Variants in TRIM42 observed in about 807,000 individuals in gnomAD.
TRIM42 encodes tripartite motif-containing protein 42.
TRIM42 carries 59 observed loss-of-function variants against 64.9 expected under a neutral mutation model. The observed-to-expected ratio is 0.91, with a 90% CI of 0.74 to 1.13. The LOEUF is 1.13. Among genes scored for constraint, TRIM42 ranks in the 50% most tolerant of loss-of-function variants. TRIM42 has a pLI of 0.00. For synonymous variants in TRIM42, 354 were observed against 346.3 expected (o/e 1.02, Z -0.25); for missense variants, 878 against 929.5 (o/e 0.94, Z 0.72).
chr3:140,681,580 C>T (rs985495353), intron 1 of TRIM42, among the ~76,000 whole-genome samples: 1 of 151,978 alleles, frequency 6.6e-6, no homozygotes, highest in Admixed American at 6.5e-5. Flanking sequence ...AGGTTCTAGG[C>T]TTGGCTCAGG....
intron 1 of TRIM42, among the ~76,000 whole-genome samples, chr3:140,681,114 T>G (rs914540197): frequency 1.3e-5 from 2 of 152,248 alleles, no homozygotes; most frequent in Admixed American, 1.3e-4. Flanking sequence ...ATTTTACAAG[T>G]ATGCTTTTAC....
At chr3:140,681,991 T>C (rs698670) in intron 1 of TRIM42, among the ~76,000 whole-genome samples, 45,962 of 151,698 alleles carry the variant, frequency 0.3, 7,202 homozygotes, top group East Asian at 0.47. Context: ...TATTAAGTGG[T>C]CTTGTTTCTG....
intron 2 of TRIM42, among the ~76,000 whole-genome samples, chr3:140,684,453 A>T (rs1322111063): frequency 6.6e-6 from 1 of 152,122 alleles, no homozygotes; most frequent in Non-Finnish European, 1.5e-5. Flanking sequence ...TCTTTGTCAG[A>T]TCTGTTAGTC....
At chr3:140,694,122 G>T (rs930482968) in intron 4 of TRIM42, among the ~76,000 whole-genome samples, 1 of 152,214 alleles carries the variant, frequency 6.6e-6, no homozygotes, top group Non-Finnish European at 1.5e-5. Flanking sequence ...TCTGGAACAG[G>T]GTAGGCTCAG....
At position 140,691,095 on chromosome 3, in the gene TRIM42, A is replaced by G; in HGVS notation, c.1988A>G (p.Asn663Ser). 2 of 1,614,142 alleles carry G rather than the reference A, an allele frequency of 1.2e-6. No individual in the cohort carries two copies. Among genetic ancestry groups the G allele is most frequent in the Non-Finnish European group, 1.7e-6 (2 of 1,180,018 alleles). ...CAAATTCGGGACATAATGCAGCAAA[A>G]TCTGGAGCTGCACAACCTGACCCCC... ...CGQIRDIMQQ[N>S]LELHNLTPNT... The change falls in exon 4 of 5, where the codon AAT (asparagine) becomes AGT (serine). Residue 663 changes from asparagine (N) to serine (S), a missense_variant. Transcript: ENST00000286349.
chr3:140,684,696 G>C (rs1988504438), intron 2 of TRIM42, among the ~76,000 whole-genome samples: 1 of 152,178 alleles, frequency 6.6e-6, no homozygotes, highest in African/African-American at 2.4e-5. Context: ...CACCAGGGAA[G>C]ACTTCATATT....
At chr3:140,697,873 C>T (rs2107768573) in intron 4 of TRIM42, among the ~76,000 whole-genome samples, 1 of 152,234 alleles carries the variant, frequency 6.6e-6, no homozygotes, top group East Asian at 1.9e-4. Flanking sequence ...TTAGTAGACA[C>T]GGGATTTCAC....
rs752308826 is a variant in TRIM42, at chr3:140,682,804, C to T, written c.684C>T (p.Arg228=). ...AGGAGCACGGCTACCTCAAGTGGCGCTTTGACCGCTCCTCCGGGCCCATCC... is the reference window on the plus strand; with the variant it reads ...AGGAGCACGGCTACCTCAAGTGGCGTTTTGACCGCTCCTCCGGGCCCATCC... ...YMQEHGYLKW[R]FDRSSGPILC... The change falls in exon 2 of 5, where the codon CGC becomes CGT. Residue 228 remains arginine (R), a synonymous_variant. Transcript: ENST00000286349. 3.7e-6 allele frequency: 6 copies of T among 1,614,012 alleles called. No homozygotes were observed. In the South Asian group the frequency reaches 6.6e-5, roughly 18 times the overall value.
intron 2 of TRIM42, among the ~76,000 whole-genome samples, chr3:140,683,582 G>A (rs193048523): frequency 6.4e-4 from 97 of 152,252 alleles, no homozygotes; most frequent in East Asian, 2.7e-3. Flanking sequence ...GTTCTGTGAC[G>A]TTCTAAGATG....
chr3:140,693,916 C>G (rs1414084332), intron 4 of TRIM42, among the ~76,000 whole-genome samples: 1 of 152,046 alleles, frequency 6.6e-6, no homozygotes, highest in Non-Finnish European at 1.5e-5. Flanking sequence ...ACTAATCATC[C>G]CAACCACTGG....
rs754201108 is a variant in TRIM42 at position 140,682,702 on chromosome 3, G to A, written c.582G>A (p.Ser194=). 16 of 1,612,408 alleles carry A rather than the reference G, an allele frequency of 9.9e-6. No individual in the cohort carries two copies. Among genetic ancestry groups the A allele is most frequent in the Non-Finnish European group, 1.4e-5 (16 of 1,180,022 alleles). The change falls in exon 2 of 5, where the codon TCG becomes TCA. Residue 194 remains serine, a synonymous_variant. Transcript: ENST00000286349. ...FILICPVCDR[S]HCMPYSNKMQ... ...TCATCTGCCCAGTGTGCGACCGCTCGCACTGCATGCCCTACAGCAACAAGA... is the reference window on the plus strand; with the variant it reads ...TCATCTGCCCAGTGTGCGACCGCTCACACTGCATGCCCTACAGCAACAAGA...
intron 1 of TRIM42, 64 bp downstream of exon 1, chr3:140,678,634 C>T (rs1576413739): frequency 3.6e-6 from 5 of 1,399,542 alleles, no homozygotes; most frequent in Non-Finnish European, 4.9e-6. Context: ...CACTTGCCAG[C>T]TGTGAAGTCT....
rs565913316 is a variant in TRIM42 at position 140,678,122 on chromosome 3, G to A, written c.-108G>A. The A allele has an allele frequency of 4.3e-5, 44 of 1,023,648 alleles. No homozygotes were observed. The East Asian group carries it at 8.1e-4, about 19-fold the overall frequency. The allele number at this position is 1,023,648 out of a possible 1,614,324, so 63.4% of individuals were successfully genotyped here. On this transcript the variant is annotated 5_prime_UTR_variant, in exon 1 of 5. Transcript: ENST00000286349. Reference sequence around the variant, plus strand: ...AACTTCTTGCAACTTTCAAGCTGACGGCCTCAGGAATGGGAGGAAGGACTC... The same window carrying A: ...AACTTCTTGCAACTTTCAAGCTGACAGCCTCAGGAATGGGAGGAAGGACTC...
intron 4 of TRIM42, among the ~76,000 whole-genome samples, chr3:140,692,560 CACAG>C (rs540185017): frequency 3.4e-4 from 44 of 127,914 alleles, no homozygotes; most frequent in South Asian, 3.0e-3. Context: ...CACACACACA[CACAG>C]AGAGAGATAG....
intron 2 of TRIM42, among the ~76,000 whole-genome samples, 153 bp downstream of exon 2, chr3:140,683,312 C>T (rs576821548): frequency 1.3e-5 from 2 of 152,322 alleles, no homozygotes; most frequent in Non-Finnish European, 2.9e-5. Context: ...CTGCAAGTCA[C>T]TATCCTGGTG....
At chr3:140,694,384 T>G (rs968867922) in intron 4 of TRIM42, among the ~76,000 whole-genome samples, 3 of 152,184 alleles carry the variant, frequency 2.0e-5, no homozygotes, top group Non-Finnish European at 2.9e-5. Context: ...TTAATATTTT[T>G]GAAGGGTAGA....
intron 3 of TRIM42, among the ~76,000 whole-genome samples, chr3:140,690,551 A>G (rs199949761): frequency 6.9e-4 from 17 of 24,598 alleles, no homozygotes; most frequent in Admixed American, 1.3e-3. Flanking sequence ...ATATATATAT[A>G]TATATATATA....
chr3:140,690,270 A>G (rs982838668), intron 3 of TRIM42, among the ~76,000 whole-genome samples: 5 of 151,968 alleles, frequency 3.3e-5, no homozygotes, highest in Admixed American at 6.6e-5. Flanking sequence ...GATTTTTTAA[A>G]CTCAGTTTTA....
At chr3:140,694,107 C>G (rs1416454821) in intron 4 of TRIM42, among the ~76,000 whole-genome samples, 1 of 152,214 alleles carries the variant, frequency 6.6e-6, no homozygotes, top group Non-Finnish European at 1.5e-5. Flanking sequence ...TCAAATGGAA[C>G]TAAGTCTGGA....
Sources: allele counts gnomAD v4.1 joint callset (sites outside exome capture counted in the v4.1 genomes callset), GRCh38; gene constraint gnomAD v4.1.1; transcripts MANE v1.5; gene names NCBI Gene and HGNC (gene_info 2026-07-23, HGNC 2026-07-21).